ZNF521: variants seen among roughly 807,000 people sequenced by gnomAD.
The protein encoded by ZNF521 is zinc finger protein 521, also known as LYST-interacting protein 3.
ZNF521 carries 14 observed loss-of-function variants against 105.5 expected under a neutral mutation model. The observed-to-expected ratio is 0.13, with a 90% CI of 0.09 to 0.21. The LOEUF (loss-of-function observed/expected upper bound fraction) is 0.21. ZNF521 is among the 10% of genes least tolerant of loss of function. The pLI is 1.00. For synonymous variants in ZNF521, 635 were observed against 606.0 expected (o/e 1.05, Z -0.70); for missense variants, 1,233 against 1,629.7 (o/e 0.76, Z 4.19).
At chr18:25,218,147 T>G (rs528632643) in intron 4 of ZNF521, among the ~76,000 whole-genome samples, 2 of 152,196 alleles carry the variant, frequency 1.3e-5, no homozygotes, top group South Asian at 4.1e-4. Flanking sequence ...CCTATGGGGA[T>G]GGAGGAGCAG....
chr18:25,114,401 G>A (rs1032489578), intron 5 of ZNF521, among the ~76,000 whole-genome samples: 3 of 152,084 alleles, frequency 2.0e-5, no homozygotes, highest in African/African-American at 7.2e-5. Flanking sequence ...GAAAACTGAG[G>A]TCTATATTTT....
chr18:25,122,240 T>C (rs1442969082), intron 5 of ZNF521, among the ~76,000 whole-genome samples: 2 of 151,698 alleles, frequency 1.3e-5, no homozygotes, highest in African/African-American at 2.4e-5. Flanking sequence ...CTATCCAAAA[T>C]GAAACAGAGA....
chr18:25,262,823 G>C (rs1600228071), intron 3 of ZNF521, among the ~76,000 whole-genome samples: 1 of 152,152 alleles, frequency 6.6e-6, no homozygotes, highest in African/African-American at 2.4e-5. Context: ...AGTCTGGGAT[G>C]GTTTGAGCAG....
intron 4 of ZNF521, among the ~76,000 whole-genome samples, chr18:25,211,732 C>T (rs777054551): frequency 9.9e-5 from 15 of 151,998 alleles, no homozygotes; most frequent in Non-Finnish European, 1.9e-4. Context: ...TTATTTTTAA[C>T]GTTGCTGAAC....
At chr18:25,072,420 G>A (rs2033247837) in intron 7 of ZNF521, among the ~76,000 whole-genome samples, 1 of 152,092 alleles carries the variant, frequency 6.6e-6, no homozygotes, top group African/African-American at 2.4e-5. Context: ...AAAAACAGTA[G>A]TAAAATTGTA....
chr18:25,195,058 C>T (rs553847765), intron 5 of ZNF521, 102 bp downstream of exon 5: 407 of 941,394 alleles, frequency 4.3e-4, no homozygotes, highest in Non-Finnish European at 6.0e-4. Context: ...CGAGGAAAAA[C>T]AATGATGGTT....
At chr18:25,293,074 A>G (rs1050215157) in intron 3 of ZNF521, among the ~76,000 whole-genome samples, 1 of 152,140 alleles carries the variant, frequency 6.6e-6, no homozygotes, top group Non-Finnish European at 1.5e-5. Context: ...TCCTAAGTCA[A>G]TATTTTTGTT....
intron 5 of ZNF521, among the ~76,000 whole-genome samples, chr18:25,123,233 C>T (rs551599838): frequency 2.2e-4 from 33 of 151,876 alleles, no homozygotes; most frequent in African/African-American, 8.0e-4. Context: ...CTCAAAGATT[C>T]ACTTACAGAC....
intron 2 of ZNF521, among the ~76,000 whole-genome samples, chr18:25,336,506 G>T (rs369503444): frequency 6.6e-5 from 10 of 152,200 alleles, no homozygotes; most frequent in African/African-American, 2.4e-4. Flanking sequence ...AAAAAAGATG[G>T]CAGAGGTGCT....
intron 5 of ZNF521, among the ~76,000 whole-genome samples, chr18:25,171,737 T>C (rs1019912017): frequency 2.6e-5 from 4 of 152,112 alleles, no homozygotes; most frequent in African/African-American, 9.7e-5. Context: ...TCTTTACTGA[T>C]ATAGGGTTCA....
At chr18:25,105,432 G>A (rs1177399182) in intron 5 of ZNF521, among the ~76,000 whole-genome samples, 1 of 152,096 alleles carries the variant, frequency 6.6e-6, no homozygotes, top group East Asian at 1.9e-4. Context: ...GTCTACACAA[G>A]TCAAACTCAT....
At chr18:25,125,352 CTG>C (rs1375528713) in intron 5 of ZNF521, among the ~76,000 whole-genome samples, 3 of 152,036 alleles carry the variant, frequency 2.0e-5, no homozygotes, top group African/African-American at 2.4e-5. Context: ...GTTTATAGAA[CTG>C]TTTGATTAAC....
chr18:25,320,916 G>C (rs1912902365), intron 3 of ZNF521, among the ~76,000 whole-genome samples: 1 of 152,164 alleles, frequency 6.6e-6, no homozygotes, highest in African/African-American at 2.4e-5. Context: ...CCTCTTTGAA[G>C]AGAAGAGCCA....
In ZNF521 at chr18:25,341,039, G is replaced by C. The variant is rs138231369; in HGVS notation, c.40+9868C>G. Among the ~76,000 whole-genome samples, 1,192 of 152,002 alleles carry C rather than the reference G, an allele frequency of 7.8e-3. 16 individuals are homozygous for C. Among genetic ancestry groups the C allele is most frequent in the African/African-American group, 0.027 (1,118 of 41,450 alleles). On this transcript the variant is annotated intron_variant, in intron 2 of 7. Coordinates refer to ENST00000361524, the MANE Select transcript of ZNF521 (RefSeq NM_015461.3). Reference sequence around the variant, plus strand: ...TTTCATGTTGATCATCTTTTTCTTCGGTCAGTTACACTCCCCACCATCACC... The same window carrying C: ...TTTCATGTTGATCATCTTTTTCTTCCGTCAGTTACACTCCCCACCATCACC...
chr18:25,313,069 CTCTGAATAG>C (rs1177537201), intron 3 of ZNF521, among the ~76,000 whole-genome samples: 2 of 152,098 alleles, frequency 1.3e-5, no homozygotes, highest in Non-Finnish European at 2.9e-5. Context: ...AGAGAGGATA[CTCTGAATAG>C]TCAGAAACCA....
chr18:25,113,860 C>T (rs1269213402), intron 5 of ZNF521, among the ~76,000 whole-genome samples: 2 of 151,940 alleles, frequency 1.3e-5, no homozygotes, highest in Admixed American at 6.6e-5. Context: ...CTCACTCTAT[C>T]ACTGGACAGT....
intron 7 of ZNF521, 78 bp from the exon 8 acceptor site, chr18:25,062,819 A>C: frequency 7.5e-7 from 1 of 1,333,070 alleles, no homozygotes; most frequent in Non-Finnish European, 1.0e-6. Flanking sequence ...CAGTGATTTC[A>C]TTTTCATCAG....
intron 3 of ZNF521, among the ~76,000 whole-genome samples, chr18:25,315,325 G>C (rs188957800): frequency 4.1e-4 from 63 of 152,130 alleles, no homozygotes; most frequent in Non-Finnish European, 8.2e-4. Context: ...AAGCAGGGAT[G>C]ATACATAACT....
chr18:25,331,893 C>CTT (rs11407486), intron 2 of ZNF521, among the ~76,000 whole-genome samples: 1,867 of 134,542 alleles, frequency 0.014, 27 homozygotes, highest in African/African-American at 0.042. Flanking sequence ...TTGCTTTTTT[C>CTT]TTTTTTTTTT....
Sources: allele counts gnomAD v4.1 joint callset (sites outside exome capture counted in the v4.1 genomes callset), GRCh38; gene constraint gnomAD v4.1.1; transcripts MANE v1.5; gene names NCBI Gene and HGNC (gene_info 2026-07-23, HGNC 2026-07-21).